CDK8: variants seen among roughly 807,000 people sequenced by gnomAD.
CDK8 encodes cyclin dependent kinase 8.
In CDK8, 29 loss-of-function variants were observed where a neutral mutation model predicts 71.5. That is an observed-to-expected ratio of 0.41 (90% CI 0.30 to 0.55). The LOEUF (loss-of-function observed/expected upper bound fraction) is 0.55. CDK8 is among the 20% of genes least tolerant of loss of function. The probability of loss-of-function intolerance (pLI) is 0.37; values close to 1 mark genes in which losing one functional copy is unlikely to be tolerated. For synonymous variants in CDK8, 161 were observed against 192.1 expected (o/e 0.84, Z 1.34); for missense variants, 288 against 572.6 (o/e 0.50, Z 5.07).
chr13:26,310,685 T>C (rs988863749), intron 1 of CDK8, among the ~76,000 whole-genome samples: 1 of 152,216 alleles, frequency 6.6e-6, no homozygotes, highest in Middle Eastern at 3.4e-3. Context: ...ATGAAGCCTC[T>C]CTTGCCTGCT....
chr13:26,391,690 C>G (rs1315946839), intron 6 of CDK8, among the ~76,000 whole-genome samples: 1 of 152,146 alleles, frequency 6.6e-6, no homozygotes, highest in Non-Finnish European at 1.5e-5. Context: ...ATATACCTTT[C>G]GATGACAAAA....
chr13:26,311,965 G>A (rs898013580), intron 1 of CDK8, among the ~76,000 whole-genome samples: 2 of 152,196 alleles, frequency 1.3e-5, no homozygotes, highest in Non-Finnish European at 2.9e-5. Context: ...TAAACCAGTA[G>A]CATCTGATGC....
chr13:26,323,655 T>C (rs1407569524), intron 1 of CDK8, among the ~76,000 whole-genome samples: 1 of 152,154 alleles, frequency 6.6e-6, no homozygotes, highest in Admixed American at 6.5e-5. Flanking sequence ...TTTCCATGCT[T>C]GTGTCCATGA....
rs1035690083 is a variant in CDK8 at position 26,254,977 on chromosome 13, G to A, written c.128+208G>A. ...ATCCTGCGTGCCGCGTCTGTGTTCT[G>A]CTCTGGTGGTAAGAGGCAAGATGAG... On this transcript the variant is annotated intron_variant, in intron 1 of 12. Coordinates refer to ENST00000381527, the MANE Select transcript of CDK8 (RefSeq NM_001260.3). This position sits in a 1 kb window ranked among gnomAD's most constrained non-coding sequence, Gnocchi z 6.7. Among the ~76,000 whole-genome samples, 3 of 152,238 alleles carry A rather than the reference G, an allele frequency of 2.0e-5. No homozygotes were observed. Among genetic ancestry groups the A allele is most frequent in the Admixed American group, 1.3e-4 (2 of 15,288 alleles).
intron 1 of CDK8, among the ~76,000 whole-genome samples, chr13:26,258,157 G>A (rs1240409842): frequency 6.6e-6 from 1 of 152,078 alleles, no homozygotes; most frequent in Non-Finnish European, 1.5e-5. Context: ...GAAAGGTTAA[G>A]CAAATTTACC....
At chr13:26,297,746 G>A (rs959895375) in intron 1 of CDK8, among the ~76,000 whole-genome samples, 3 of 152,156 alleles carry the variant, frequency 2.0e-5, no homozygotes, top group African/African-American at 7.2e-5. Flanking sequence ...ATACCTGTTG[G>A]TAGTAATACT....
intron 1 of CDK8, among the ~76,000 whole-genome samples, chr13:26,333,384 C>CAGG (rs1872844484): frequency 1.3e-5 from 2 of 152,140 alleles, no homozygotes; most frequent in Non-Finnish European, 2.9e-5. Context: ...AGGTGATCTG[C>CAGG]CTGCCTTGGC....
At chr13:26,322,920 C>T (rs57500151) in intron 1 of CDK8, among the ~76,000 whole-genome samples, 1 of 152,076 alleles carries the variant, frequency 6.6e-6, no homozygotes, top group East Asian at 1.9e-4. Context: ...TCTCCTCTCA[C>T]GATAATTTTT....
intron 4 of CDK8, among the ~76,000 whole-genome samples, chr13:26,359,935 C>T (rs897209867): frequency 2.0e-5 from 3 of 152,224 alleles, no homozygotes; most frequent in East Asian, 3.9e-4. Flanking sequence ...AGGCTGGTCT[C>T]GAACTCCTGA....
intron 1 of CDK8, among the ~76,000 whole-genome samples, chr13:26,331,367 G>A (rs185857232): frequency 6.6e-6 from 1 of 152,252 alleles, no homozygotes; most frequent in East Asian, 1.9e-4. Context: ...TGAATAGTTT[G>A]CAAATATTTT....
At chr13:26,385,158 T>A (rs1462429734) in intron 5 of CDK8, 53 bp from the exon 6 acceptor site, 1 of 1,448,592 alleles carries the variant, frequency 6.9e-7, no homozygotes, top group Non-Finnish European at 9.5e-7. Flanking sequence ...ACTAATTGGT[T>A]AGATTTGTAA....
intron 4 of CDK8, among the ~76,000 whole-genome samples, chr13:26,376,240 G>T (rs1874942717): frequency 6.6e-6 from 1 of 151,028 alleles, no homozygotes; most frequent in Non-Finnish European, 1.5e-5. Flanking sequence ...TAATAATAAT[G>T]AAAGAAAGGA....
chr13:26,364,032 G>T (rs929787494), intron 4 of CDK8, among the ~76,000 whole-genome samples: 1 of 152,118 alleles, frequency 6.6e-6, no homozygotes, highest in South Asian at 2.1e-4. Context: ...TGTTTGAGGT[G>T]TATTTTCTTA....
rs149189975 is a variant in CDK8, at chr13:26,330,196, T to C, written c.129-7371T>C. ...AGTCATCCCACTCTGCTGTCAAATGTTGAATTTATTTCATTTATTTATTTT... is the reference window on the plus strand; with the variant it reads ...AGTCATCCCACTCTGCTGTCAAATGCTGAATTTATTTCATTTATTTATTTT... On this transcript the variant is annotated intron_variant, in intron 1 of 12. Coordinates refer to ENST00000381527, the MANE Select transcript of CDK8 (RefSeq NM_001260.3). 2.5e-3 allele frequency among the ~76,000 whole-genome samples: 379 copies of C among 152,304 alleles called. 1 individual carries two copies. Among genetic ancestry groups the C allele is most frequent in the Non-Finnish European group, 4.0e-3 (269 of 68,020 alleles).
intron 1 of CDK8, among the ~76,000 whole-genome samples, chr13:26,302,700 G>T (rs1873876044): frequency 6.6e-6 from 1 of 152,214 alleles, no homozygotes; most frequent in Non-Finnish European, 1.5e-5. Flanking sequence ...TAGTTTAGGG[G>T]AGAGATATTG....
intron 4 of CDK8, among the ~76,000 whole-genome samples, chr13:26,380,558 A>C (rs1345184320): frequency 6.6e-6 from 1 of 151,892 alleles, no homozygotes; most frequent in East Asian, 1.9e-4. Context: ...ATCATGGCTC[A>C]CTGCGGTCTC....
intron 3 of CDK8, among the ~76,000 whole-genome samples, chr13:26,351,358 ATCTTTGGTTCTTCTGT>A (rs1293028574): frequency 6.6e-6 from 1 of 151,598 alleles, no homozygotes; most frequent in African/African-American, 2.4e-5. Context: ...TTTTTTTTAA[ATCTTTGGTTCTTCTGT>A]TCTTCTATTT....
intron 4 of CDK8, among the ~76,000 whole-genome samples, chr13:26,381,428 TGTTA>T (rs1379019321): frequency 2.6e-5 from 4 of 152,116 alleles, no homozygotes; most frequent in Admixed American, 2.6e-4. Context: ...CAGGGAATAC[TGTTA>T]GTGTTGTGGT....
intron 5 of CDK8, among the ~76,000 whole-genome samples, chr13:26,384,192 T>C (rs994920676): frequency 3.3e-5 from 5 of 152,166 alleles, no homozygotes; most frequent in Non-Finnish European, 5.9e-5. Context: ...ACTAGTTCTG[T>C]AAATCAGTAT....
Sources: allele counts gnomAD v4.1 joint callset (sites outside exome capture counted in the v4.1 genomes callset), GRCh38; gene constraint gnomAD v4.1.1; non-coding constraint Gnocchi (gnomAD v3.1); transcripts MANE v1.5; gene names NCBI Gene and HGNC (gene_info 2026-07-23, HGNC 2026-07-21).